The following PDE4D variants were observed in gnomAD, a reference collection of about 807,000 sequenced individuals.
The protein encoded by PDE4D is phosphodiesterase 4D.
In PDE4D, 24 loss-of-function variants were observed where a neutral mutation model predicts 87.4. The observed-to-expected ratio is 0.27, with a 90% CI of 0.20 to 0.39. The LOEUF (loss-of-function observed/expected upper bound fraction) is 0.39. PDE4D is among the 10% of genes least tolerant of loss of function. The pLI is 1.00. For missense variants in PDE4D, 714 were observed against 1,041.0 expected, an observed-to-expected ratio of 0.69 and a Z score of 4.32; for synonymous variants, 384 against 383.2, an observed-to-expected ratio of 1.00 and a Z score of -0.02.
At chr5:59,815,583 T>A (rs946801901) in intron 1 of PDE4D, among the ~76,000 whole-genome samples, 7 of 152,176 alleles carry the variant, frequency 4.6e-5, no homozygotes, top group Non-Finnish European at 8.8e-5. Flanking sequence ...TTAATACATA[T>A]AAAAGAGTTA....
At chr5:59,232,609 A>G (rs558107424) in intron 1 of PDE4D, among the ~76,000 whole-genome samples, 2 of 152,144 alleles carry the variant, frequency 1.3e-5, no homozygotes, top group South Asian at 4.1e-4. Context: ...AAAACAGCAT[A>G]GAGATTTCCC....
At chr5:60,199,505 A>C (rs1741658361) in intron 1 of PDE4D, among the ~76,000 whole-genome samples, 1 of 151,692 alleles carries the variant, frequency 6.6e-6, no homozygotes, top group Non-Finnish European at 1.5e-5. Flanking sequence ...TGAATTTCTT[A>C]GTGAAAATGG....
intron 1 of PDE4D, among the ~76,000 whole-genome samples, chr5:60,308,526 C>G (rs1485423811): frequency 6.6e-6 from 1 of 152,106 alleles, no homozygotes; most frequent in East Asian, 1.9e-4. Context: ...GGTGGCAAAA[C>G]TAATGCTACT....
chr5:59,293,656 C>T lies in PDE4D; in HGVS notation c.456-77688G>A, dbSNP rs945803882. On this transcript the variant is annotated intron_variant, in intron 1 of 14. Coordinates refer to ENST00000340635, the MANE Select transcript of PDE4D (RefSeq NM_001104631.2). ...CAAACAGAGGCCCAATAACCAAATG[C>T]ATTTTTTCTCCATTGCGTTCTTACC... Among the ~76,000 whole-genome samples the T allele has an allele frequency of 5.9e-5, 9 of 152,136 alleles. No individual in the cohort carries two copies. In the South Asian group the frequency reaches 1.2e-3, roughly 21 times the overall value.
intron 6 of PDE4D, chr5:59,001,916 T>C: frequency 3.1e-6 from 1 of 326,052 alleles, no homozygotes; most frequent in Non-Finnish European, 6.1e-6. Context: ...CGTCAGACAC[T>C]GTCAGGTGTT....
chr5:59,276,502 G>A (rs1287280570), intron 1 of PDE4D, among the ~76,000 whole-genome samples: 1 of 152,138 alleles, frequency 6.6e-6, no homozygotes, highest in African/African-American at 2.4e-5. Flanking sequence ...TGTTCATTTT[G>A]AGCGGATGTA....
At chr5:60,176,563 T>C (rs1783911736) in intron 2 of PDE4D, among the ~76,000 whole-genome samples, 1 of 152,182 alleles carries the variant, frequency 6.6e-6, no homozygotes, top group African/African-American at 2.4e-5. Context: ...ATTGTTTGGA[T>C]TCATTGATTT....
chr5:59,526,919 C>T (rs1169560694), intron 1 of PDE4D, among the ~76,000 whole-genome samples: 2 of 152,190 alleles, frequency 1.3e-5, no homozygotes, highest in African/African-American at 4.8e-5. Context: ...AGCCACCAGG[C>T]CTGGCCAATT....
intron 2 of PDE4D, among the ~76,000 whole-genome samples, chr5:60,173,269 T>C (rs2149485902): frequency 6.6e-6 from 1 of 152,116 alleles, no homozygotes; most frequent in South Asian, 2.1e-4. Context: ...CTAACTCACC[T>C]AATCTGTCTA....
intron 1 of PDE4D, among the ~76,000 whole-genome samples, chr5:59,836,816 G>T (rs547920698): frequency 7.2e-5 from 11 of 151,992 alleles, no homozygotes; most frequent in South Asian, 2.1e-4. Flanking sequence ...TTTGCTAAGT[G>T]TTTTGTGTCG....
intron 3 of PDE4D, among the ~76,000 whole-genome samples, chr5:59,940,080 G>C (rs1193993789): frequency 6.6e-6 from 1 of 152,144 alleles, no homozygotes; most frequent in African/African-American, 2.4e-5. Flanking sequence ...TTTTATGAGA[G>C]AAGTCCCTCT....
intron 3 of PDE4D, among the ~76,000 whole-genome samples, chr5:59,902,285 T>C (rs558634673): frequency 6.6e-6 from 1 of 152,268 alleles, no homozygotes; most frequent in South Asian, 2.1e-4. Flanking sequence ...CTTAAACTAA[T>C]GTGCCTGTAA....
intron 1 of PDE4D, among the ~76,000 whole-genome samples, chr5:60,469,368 T>C (rs1583863825): frequency 6.6e-6 from 1 of 152,140 alleles, no homozygotes; most frequent in South Asian, 2.1e-4. Context: ...TCATACCCCA[T>C]AGGCAACATT....
rs10606448 is a variant in PDE4D at position 60,065,270 on chromosome 5, CGTGTGT to C, written c.43-76559_43-76554del. On this transcript the variant is annotated intron_variant, in intron 2 of 16. Transcript: ENST00000502484. ...GCAAATATAGTGCAAGTGTGTGTGT[CGTGTGT>C]GTGTGTGTGTGTGTGTGTTTGTGCA... Among the ~76,000 whole-genome samples the C allele has an allele frequency of 5.3e-3, 795 of 148,724 alleles. 5 individuals carry two copies. The highest frequency in any genetic ancestry group is 0.015 in the African/African-American group (599 of 40,718).
chr5:60,343,267 T>C (rs1758457813), intron 1 of PDE4D, among the ~76,000 whole-genome samples: 1 of 152,094 alleles, frequency 6.6e-6, no homozygotes, highest in East Asian at 1.9e-4. Flanking sequence ...GCAGGGTAGA[T>C]GAGAATGGAA....
intron 1 of PDE4D, among the ~76,000 whole-genome samples, chr5:59,528,458 AAG>A (rs1313631014): frequency 6.6e-6 from 1 of 152,196 alleles, no homozygotes; most frequent in African/African-American, 2.4e-5. Flanking sequence ...AGCAGCTGCC[AAG>A]AGAGAAGGAG....
intron 1 of PDE4D, among the ~76,000 whole-genome samples, chr5:59,423,709 A>G (rs1338500721): frequency 6.6e-6 from 1 of 152,174 alleles, no homozygotes; most frequent in Non-Finnish European, 1.5e-5. Context: ...AGGTATAGCT[A>G]GTAGTTATTT....
intron 1 of PDE4D, among the ~76,000 whole-genome samples, chr5:59,226,980 C>T (rs1378061541): frequency 6.6e-6 from 1 of 152,074 alleles, no homozygotes; most frequent in African/African-American, 2.4e-5. Context: ...CATGTGCTGA[C>T]CACTAACTAA....
intron 1 of PDE4D, among the ~76,000 whole-genome samples, chr5:59,267,841 T>C (rs1313943245): frequency 1.3e-5 from 2 of 152,096 alleles, no homozygotes; most frequent in Non-Finnish European, 2.9e-5. Context: ...TTTTCTAATT[T>C]CTTATTCTTC....
Sources: allele counts gnomAD v4.1 joint callset (sites outside exome capture counted in the v4.1 genomes callset), GRCh38; gene constraint gnomAD v4.1.1; transcripts MANE v1.5; gene names NCBI Gene and HGNC (gene_info 2026-07-23, HGNC 2026-07-21).